Variants in SBF2 observed in about 807,000 individuals in gnomAD.
SBF2 encodes the protein SET binding factor 2.
In SBF2, 112 loss-of-function variants were observed where a neutral mutation model predicts 225.2. The ratio of observed to expected loss-of-function variants is 0.50; its 90% CI spans 0.43 to 0.58. SBF2 has a LOEUF of 0.58. SBF2 is among the 20% of genes least tolerant of loss of function. SBF2 has a pLI of 0.00. For missense variants in SBF2, 1,996 were observed against 2,206.2 expected (o/e 0.90, Z 1.91); for synonymous variants, 763 against 773.3 (o/e 0.99, Z 0.22).
At chr11:10,233,505 A>G (rs1010862560) in intron 1 of SBF2, among the ~76,000 whole-genome samples, 3 of 151,694 alleles carry the variant, frequency 2.0e-5, no homozygotes, top group Non-Finnish European at 4.4e-5. Context: ...GCTTAAAAGT[A>G]TTCATTTTTT....
chr11:9,993,605 T>C (rs1402695857), intron 10 of SBF2, among the ~76,000 whole-genome samples: 1 of 152,254 alleles, frequency 6.6e-6, no homozygotes, highest in Non-Finnish European at 1.5e-5. Flanking sequence ...AATCCTTGTG[T>C]GGCCATTTCA....
chr11:9,808,227 GA>G (rs1313416911), intron 31 of SBF2, 42 bp from the exon 32 acceptor site: 4 of 1,543,238 alleles, frequency 2.6e-6, no homozygotes, highest in Admixed American at 1.7e-5. Flanking sequence ...TTTTAGTTCT[GA>G]AAAAGGCCTA....
chr11:10,281,329 T>C (rs902923543), intron 1 of SBF2, among the ~76,000 whole-genome samples: 5 of 152,148 alleles, frequency 3.3e-5, no homozygotes, highest in African/African-American at 1.2e-4. Context: ...GCAGCCTTCA[T>C]ATCAGAATGC....
At chr11:10,248,869 G>T (rs1021454587) in intron 1 of SBF2, among the ~76,000 whole-genome samples, 1 of 152,202 alleles carries the variant, frequency 6.6e-6, no homozygotes, top group Non-Finnish European at 1.5e-5. Flanking sequence ...GCCGAGGTGG[G>T]CGGATCACAA....
chr11:10,187,479 C>A (rs1307143987), intron 2 of SBF2, among the ~76,000 whole-genome samples: 1 of 152,194 alleles, frequency 6.6e-6, no homozygotes, highest in African/African-American at 2.4e-5. Context: ...CCCCTGCCTT[C>A]GCTCATCTCC....
rs545734832 is a variant in SBF2 at position 10,185,184 on chromosome 11, G to A, written c.141+8718C>T. 5.9e-5 allele frequency among the ~76,000 whole-genome samples: 9 copies of A among 152,198 alleles called. No homozygotes were observed. The East Asian group carries it at 1.7e-3, about 29-fold the overall frequency. Reference sequence around the variant, plus strand: ...TATTCATCTGTCTATGGACATTCAGGTTGCTTCCACCATTTGACTACTGTG... The same window carrying A: ...TATTCATCTGTCTATGGACATTCAGATTGCTTCCACCATTTGACTACTGTG... On this transcript the variant is annotated intron_variant, in intron 2 of 39. Transcript: ENST00000256190.
intron 1 of SBF2, among the ~76,000 whole-genome samples, chr11:10,249,706 G>A (rs954320481): frequency 6.7e-6 from 1 of 148,944 alleles, no homozygotes; most frequent in African/African-American, 2.5e-5. Flanking sequence ...GAATGCTATG[G>A]GGGAGTCCAT....
intron 38 of SBF2, chr11:9,782,984 T>C (rs1852128599): frequency 6.6e-6 from 1 of 151,868 alleles, no homozygotes; most frequent in Non-Finnish European, 1.5e-5. Flanking sequence ...GGCAAGAAAG[T>C]GGTGCTTCTG....
chr11:10,084,790 A>C (rs1951496132), intron 2 of SBF2, among the ~76,000 whole-genome samples: 1 of 152,226 alleles, frequency 6.6e-6, no homozygotes, highest in Non-Finnish European at 1.5e-5. Flanking sequence ...AGCAACATGG[A>C]TGGAACTGGA....
At chr11:10,108,462 G>C (rs1565237695) in intron 2 of SBF2, among the ~76,000 whole-genome samples, 1 of 147,916 alleles carries the variant, frequency 6.8e-6, no homozygotes, top group East Asian at 2.1e-4. Context: ...TTGGAACAAA[G>C]TAAGGCACAC....
At chr11:10,261,394 G>T (rs1205595905) in intron 1 of SBF2, among the ~76,000 whole-genome samples, 1 of 152,076 alleles carries the variant, frequency 6.6e-6, no homozygotes, top group East Asian at 1.9e-4. Flanking sequence ...GTGGAGAGCG[G>T]GTTTTGCCAT....
intron 13 of SBF2, among the ~76,000 whole-genome samples, chr11:9,969,504 C>G (rs1867187456): frequency 1.3e-5 from 2 of 152,174 alleles, no homozygotes; most frequent in Admixed American, 1.3e-4. Context: ...ATGTGTCCTG[C>G]CATGATTTCT....
chr11:9,790,136 T>C (rs745477628), intron 34 of SBF2, among the ~76,000 whole-genome samples: 6 of 152,256 alleles, frequency 3.9e-5, no homozygotes, highest in Admixed American at 6.5e-5. Flanking sequence ...GTTATCCTTC[T>C]TGGGCTTGGC....
chr11:9,897,971 G>C (rs1861403725), intron 16 of SBF2, among the ~76,000 whole-genome samples: 1 of 152,120 alleles, frequency 6.6e-6, no homozygotes, highest in Non-Finnish European at 1.5e-5. Context: ...TAGAGTGTGA[G>C]GGTGGTGAGA....
At chr11:9,791,053 A>C (rs902381752) in intron 33 of SBF2, 2 of 183,922 alleles carry the variant, frequency 1.1e-5, no homozygotes, top group Non-Finnish European at 2.3e-5. Context: ...GATGAAGCTC[A>C]GTAAAAAACA....
At position 10,303,031 on chromosome 11, in the gene SBF2, T is replaced by C. The variant is rs1964612224; in HGVS notation, n.386+1461A>G. ...CATCCTCAGAGCGACTGATAGCCAG[T>C]CCTGGATCTGCGCGAAGAGCTTGAC... On this transcript the variant is annotated intron_variant and non_coding_transcript_variant, in intron 1 of 5. Transcript: ENST00000685217. This position sits in a 1 kb window ranked among gnomAD's most constrained non-coding sequence, Gnocchi z 5.2. The C allele has an allele frequency of 6.6e-6, 1 of 152,186 alleles. No homozygotes were observed. Among genetic ancestry groups the C allele is most frequent in the Admixed American group, 6.5e-5 (1 of 15,284 alleles). 9.4% of individuals were successfully genotyped at this position (152,186 alleles called of 1,614,324 possible).
chr11:9,959,508 A>C lies in SBF2; in HGVS notation c.1860+2449T>G. On this transcript the variant is annotated intron_variant, in intron 16 of 39. Transcript: ENST00000256190. ...CTGCAGGCTTTCGATTGCACTTGAA[A>C]ACTTCACAGAACACCAGCTTGTGGA... is the stretch of plus-strand genomic sequence containing the variant. The C allele has an allele frequency of 3.7e-6, 3 of 809,744 alleles. No individual in the cohort carries two copies. In the South Asian group the frequency reaches 4.0e-5, roughly 11 times the overall value. The allele number at this position is 809,744 out of a possible 1,614,324, so 50.2% of individuals were successfully genotyped here.
chr11:10,146,257 T>C (rs1400290769), intron 2 of SBF2, among the ~76,000 whole-genome samples: 5 of 152,070 alleles, frequency 3.3e-5, no homozygotes, highest in African/African-American at 1.2e-4. Context: ...AGGGCCAGAA[T>C]AACCAAGGCA....
Position 9,781,587 on chromosome 11 carries a change from G to A in SBF2, c.5371C>T (p.Leu1791=), listed in dbSNP as rs2133841818. 6.2e-7 allele frequency: 1 copy of A among 1,614,230 alleles called. No individual in the cohort carries two copies. Among genetic ancestry groups the A allele is most frequent in the Non-Finnish European group, 8.5e-7 (1 of 1,180,028 alleles). The part of the protein sequence containing the change: ...EDTSCKGHID[L]AEVEMVIPAG... The stretch of plus-strand genomic sequence containing the variant: ...GGGATGACCATTTCTACTTCAGCCA[G>A]ATCAATGTGGCCTTTACAGCTTGTG... Residue 1791 remains leucine, a synonymous_variant, in exon 39 of 40, where the codon CTG becomes TTG. Transcript: ENST00000256190.
Sources: allele counts gnomAD v4.1 joint callset (sites outside exome capture counted in the v4.1 genomes callset), GRCh38; gene constraint gnomAD v4.1.1; non-coding constraint Gnocchi (gnomAD v3.1); transcripts MANE v1.5; gene names NCBI Gene and HGNC (gene_info 2026-07-23, HGNC 2026-07-21).